Variants in CLNK observed in about 807,000 individuals in gnomAD.
CLNK encodes the protein cytokine dependent hematopoietic cell linker.
CLNK carries 74 observed loss-of-function variants against 68.6 expected under a neutral mutation model. The ratio of observed to expected loss-of-function variants is 1.08; its 90% CI spans 0.89 to 1.31. CLNK has a LOEUF of 1.31. CLNK is among the 50% of genes most tolerant of loss of function. The pLI is 0.00. For synonymous variants in CLNK, 198 were observed against 172.2 expected (o/e 1.15, Z -1.17); for missense variants, 553 against 515.3 (o/e 1.07, Z -0.71).
chr4:10,597,792 T>A (rs984924195), intron 3 of CLNK, among the ~76,000 whole-genome samples, 186 bp downstream of exon 3: 9 of 152,190 alleles, frequency 5.9e-5, no homozygotes, highest in African/African-American at 2.2e-4. Context: ...TAGGTTTGTA[T>A]CACACACCTG....
intron 2 of CLNK, among the ~76,000 whole-genome samples, chr4:10,623,086 G>A (rs1444385599): frequency 6.6e-6 from 1 of 152,120 alleles, no homozygotes; most frequent in Non-Finnish European, 1.5e-5. Context: ...TCAGTCCATA[G>A]CAGTAAATTA....
chr4:10,619,942 T>C (rs1722372308), intron 2 of CLNK, among the ~76,000 whole-genome samples: 1 of 152,116 alleles, frequency 6.6e-6, no homozygotes, highest in Non-Finnish European at 1.5e-5. Context: ...TAATACTCTG[T>C]GTTAATCGCT....
chr4:10,708,827 T>C, the CLNK span, among the ~76,000 whole-genome samples: 1 of 152,158 alleles, frequency 6.6e-6, no homozygotes, highest in East Asian at 1.9e-4. Context: ...TTCATAGCAT[T>C]TACAGTGTCA....
chr4:10,495,825 A>G (rs1036014608), intron 18 of CLNK, among the ~76,000 whole-genome samples: 1 of 59,912 alleles, frequency 1.7e-5, no homozygotes, highest in Non-Finnish European at 3.2e-5. Flanking sequence ...ACGTGACCAT[A>G]GAGAGAGAGA....
At chr4:10,693,065 G>A in the CLNK span, among the ~76,000 whole-genome samples, 1 of 152,204 alleles carries the variant, frequency 6.6e-6, no homozygotes, top group Admixed American at 6.5e-5. Context: ...AGCTGGGGAA[G>A]AAGCACTGAT....
intron 17 of CLNK, among the ~76,000 whole-genome samples, chr4:10,506,742 C>A (rs916380112): frequency 2.0e-5 from 3 of 152,184 alleles, no homozygotes; most frequent in African/African-American, 7.2e-5. Flanking sequence ...ATTTAGAAAC[C>A]TGAGAAAGCC....
intron 2 of CLNK, among the ~76,000 whole-genome samples, chr4:10,610,761 AT>A (rs1721981027): frequency 6.8e-6 from 1 of 147,850 alleles, no homozygotes; most frequent in Admixed American, 6.9e-5. Flanking sequence ...AGAAAACAAC[AT>A]AAAAAAGCAA....
chr4:10,732,671 A>G, the CLNK span, among the ~76,000 whole-genome samples: 3 of 152,004 alleles, frequency 2.0e-5, no homozygotes, highest in Non-Finnish European at 2.9e-5. Context: ...TGAATTAAGA[A>G]CCTAGAAGAG....
At position 10,659,243 on chromosome 4, in the gene CLNK, A is replaced by G. The variant is rs78808445; in HGVS notation, c.11+8616T>C. On this transcript the variant is annotated intron_variant, in intron 2 of 18. Coordinates refer to ENST00000226951, the MANE Select transcript of CLNK (RefSeq NM_052964.4). ...AACACACAAAAAAATGGTAATTGCT[A>G]AAAGTGTGATTACTTTTGCAGCAAC... 3.9e-3 allele frequency among the ~76,000 whole-genome samples: 589 copies of G among 152,340 alleles called. 3 individuals carry two copies. The highest frequency in any genetic ancestry group is 0.013 in the African/African-American group (533 of 41,580).
At chr4:10,699,512 A>ATATTTTTTTTT in the CLNK span, among the ~76,000 whole-genome samples, 2 of 32,762 alleles carry the variant, frequency 6.1e-5, no homozygotes, top group African/African-American at 2.3e-4. Flanking sequence ...ATATATATAT[A>ATATTTTTTTTT]TTTTTTTTTT....
chr4:10,577,784 A>G (rs1464237311), intron 4 of CLNK, among the ~76,000 whole-genome samples: 1 of 141,744 alleles, frequency 7.1e-6, no homozygotes, highest in Non-Finnish European at 1.5e-5. Context: ...CTTACATAAG[A>G]AAAAAAAAAA....
At chr4:10,578,069 C>A (rs1306480248) in intron 4 of CLNK, among the ~76,000 whole-genome samples, 3 of 152,168 alleles carry the variant, frequency 2.0e-5, no homozygotes, top group South Asian at 2.1e-4. Flanking sequence ...ATAATACTAC[C>A]TACCCCCAAA....
At chr4:10,699,516 T>G in the CLNK span, among the ~76,000 whole-genome samples, 9 of 107,890 alleles carry the variant, frequency 8.3e-5, no homozygotes, top group Non-Finnish European at 1.6e-4. Context: ...ATATATATTT[T>G]TTTTTTTTTT....
intron 4 of CLNK, among the ~76,000 whole-genome samples, chr4:10,577,854 T>G (rs1247287203): frequency 6.6e-6 from 1 of 152,204 alleles, no homozygotes; most frequent in African/African-American, 2.4e-5. Flanking sequence ...TTTGATGTTT[T>G]ATCTCCTTAT....
intron 14 of CLNK, 47 bp from the exon 15 acceptor site, chr4:10,520,878 T>A: frequency 1.4e-6 from 2 of 1,458,398 alleles, no homozygotes; most frequent in East Asian, 4.7e-5. Context: ...TATTTCCCCT[T>A]GGTGGTAAAA....
the CLNK span, among the ~76,000 whole-genome samples, chr4:10,731,054 A>G: frequency 6.6e-6 from 1 of 152,214 alleles, no homozygotes; most frequent in African/African-American, 2.4e-5. Context: ...AGCACTTCAA[A>G]CATTTATCAT....
chr4:10,586,055 G>A (rs186019331), intron 3 of CLNK, among the ~76,000 whole-genome samples: 24 of 152,194 alleles, frequency 1.6e-4, no homozygotes, highest in African/African-American at 5.5e-4. Context: ...CACGGTTCAC[G>A]GTAGGGTTTG....
At chr4:10,679,083 G>C (rs906409031) in intron 1 of CLNK, among the ~76,000 whole-genome samples, 6 of 152,242 alleles carry the variant, frequency 3.9e-5, no homozygotes, top group African/African-American at 1.4e-4. Flanking sequence ...AAAGAACAAA[G>C]CTGGAGGCAT....
intron 4 of CLNK, among the ~76,000 whole-genome samples, chr4:10,575,313 T>C (rs192849934): frequency 1.3e-5 from 2 of 152,348 alleles, no homozygotes; most frequent in East Asian, 3.9e-4. Flanking sequence ...CAGCTCACGC[T>C]ACTTCAGGAG....
Sources: gnomAD v4.1 joint callset for allele counts (sites outside exome capture counted in the v4.1 genomes callset) on GRCh38, gnomAD v4.1.1 for gene constraint, MANE v1.5 for transcripts, NCBI Gene and HGNC (gene_info 2026-07-23, HGNC 2026-07-21) for gene names.